CSMD1: variants seen among roughly 807,000 people sequenced by gnomAD.
CSMD1 encodes the protein CUB and sushi domain-containing protein 1.
A neutral mutation model predicts 417.5 loss-of-function variants in CSMD1; 213 were observed. The observed-to-expected ratio is 0.51, with a 90% confidence interval of 0.46 to 0.57. The LOEUF is 0.57. Ranked by LOEUF, CSMD1 falls within the 20% of genes least tolerant of loss-of-function variation. CSMD1 has a pLI of 0.00. For missense variants in CSMD1, 6,923 were observed against 4,529.7 expected, an observed-to-expected ratio of 1.53 and a Z score of -15.17; for synonymous variants, 2,862 against 1,736.8, an observed-to-expected ratio of 1.65 and a Z score of -16.11.
chr8:4,653,738 AT>A (rs1249437018), intron 1 of CSMD1, among the ~76,000 whole-genome samples: 1 of 152,152 alleles, frequency 6.6e-6, no homozygotes, highest in Non-Finnish European at 1.5e-5. Flanking sequence ...GGAAAATTGT[AT>A]TCAAACACAT....
At chr8:4,593,968 G>C (rs573526480) in intron 2 of CSMD1, among the ~76,000 whole-genome samples, 14 of 152,010 alleles carry the variant, frequency 9.2e-5, no homozygotes, top group Non-Finnish European at 1.8e-4. Flanking sequence ...TCCAAACCCT[G>C]CCTGTGGAGG....
intron 23 of CSMD1, among the ~76,000 whole-genome samples, chr8:3,311,630 G>C (rs1176545497): frequency 6.6e-6 from 1 of 152,216 alleles, no homozygotes; most frequent in African/African-American, 2.4e-5. Flanking sequence ...ATGAAAAACA[G>C]ATGGTTGCAT....
intron 5 of CSMD1, among the ~76,000 whole-genome samples, chr8:3,954,756 C>T (rs181086205): frequency 1.8e-3 from 280 of 151,856 alleles, no homozygotes; most frequent in Non-Finnish European, 2.6e-3. Context: ...CCCCTCAGAA[C>T]TGAGCATGCG....
chr8:3,872,616 T>G (rs548290695), intron 5 of CSMD1, among the ~76,000 whole-genome samples: 1 of 152,292 alleles, frequency 6.6e-6, no homozygotes, highest in Non-Finnish European at 1.5e-5. Context: ...TCATGTCAGT[T>G]TCCACAATCC....
At chr8:4,901,306 G>A (rs1313866773) in intron 1 of CSMD1, among the ~76,000 whole-genome samples, 3 of 152,110 alleles carry the variant, frequency 2.0e-5, no homozygotes, top group South Asian at 2.1e-4. Flanking sequence ...TTTTTATTCC[G>A]CTTGTGTCAT....
chr8:3,809,003 G>C (rs561497643), intron 5 of CSMD1, among the ~76,000 whole-genome samples: 1 of 152,156 alleles, frequency 6.6e-6, no homozygotes. Context: ...AACATGACAT[G>C]GATGATTCAA....
intron 2 of CSMD1, among the ~76,000 whole-genome samples, chr8:4,550,530 C>T (rs766613688): frequency 6.6e-5 from 10 of 152,078 alleles, no homozygotes; most frequent in Non-Finnish European, 1.0e-4. Flanking sequence ...ACCAAAAACT[C>T]CTATTTTTGC....
At chr8:3,144,338 T>G (rs1818699880) in intron 40 of CSMD1, among the ~76,000 whole-genome samples, 1 of 152,006 alleles carries the variant, frequency 6.6e-6, no homozygotes. Context: ...CCACTCTTCT[T>G]GGAGAAAATC....
intron 10 of CSMD1, among the ~76,000 whole-genome samples, chr8:3,564,893 C>T (rs951210542): frequency 6.6e-6 from 1 of 151,748 alleles, no homozygotes; most frequent in Non-Finnish European, 1.5e-5. Flanking sequence ...AATGAAATAG[C>T]TGGCACACAG....
At chr8:3,403,942 G>T (rs1161532) in intron 15 of CSMD1, among the ~76,000 whole-genome samples, 125,715 of 152,130 alleles carry the variant, frequency 0.83, 52,275 homozygotes, top group South Asian at 0.87. Flanking sequence ...CTATTAAGAG[G>T]GTTTTGTTGC....
intron 1 of CSMD1, among the ~76,000 whole-genome samples, chr8:4,975,615 A>G (rs1356021025): frequency 2.6e-5 from 4 of 152,196 alleles, no homozygotes; most frequent in Non-Finnish European, 4.4e-5. Flanking sequence ...GGCTCCAGGT[A>G]CAAGTATTGC....
chr8:4,125,798 T>C (rs556300813), intron 3 of CSMD1, among the ~76,000 whole-genome samples: 6 of 152,174 alleles, frequency 3.9e-5, no homozygotes, highest in African/African-American at 1.4e-4. Context: ...AATTGATCAA[T>C]TGATAACAGC....
At chr8:3,684,173 T>C (rs1235740543) in intron 7 of CSMD1, among the ~76,000 whole-genome samples, 2 of 135,526 alleles carry the variant, frequency 1.5e-5, no homozygotes, top group Non-Finnish European at 3.1e-5. Context: ...AATATATATT[T>C]ACATGTTACA....
At chr8:4,019,578 G>C (rs148206881) in intron 4 of CSMD1, among the ~76,000 whole-genome samples, 19 of 152,138 alleles carry the variant, frequency 1.2e-4, no homozygotes, top group African/African-American at 3.4e-4. Flanking sequence ...GTGTTTTACG[G>C]TCTGCTCTTG....
At chr8:3,653,791 G>A (rs566662472) in intron 7 of CSMD1, among the ~76,000 whole-genome samples, 12 of 152,238 alleles carry the variant, frequency 7.9e-5, no homozygotes, top group East Asian at 1.9e-4. Context: ...TCCCTAACTC[G>A]TGACACAAGT....
At chr8:3,459,494 C>T (rs1324317147) in intron 12 of CSMD1, among the ~76,000 whole-genome samples, 1 of 152,168 alleles carries the variant, frequency 6.6e-6, no homozygotes, top group African/African-American at 2.4e-5. Flanking sequence ...GATCTCCACG[C>T]ATGCGGCAGT....
intron 1 of CSMD1, among the ~76,000 whole-genome samples, chr8:4,888,428 C>A (rs1292404017): frequency 1.3e-5 from 2 of 151,732 alleles, no homozygotes; most frequent in Non-Finnish European, 2.9e-5. Flanking sequence ...AACTGTCACA[C>A]AACATATGAT....
At chr8:3,709,527 T>A (rs1230333728) in intron 6 of CSMD1, among the ~76,000 whole-genome samples, 1 of 151,882 alleles carries the variant, frequency 6.6e-6, no homozygotes, top group African/African-American at 2.4e-5. Flanking sequence ...GATATTAACA[T>A]TTGAATCAGC....
chr8:4,835,286 G>A (rs1037568785), intron 1 of CSMD1, among the ~76,000 whole-genome samples: 2 of 152,056 alleles, frequency 1.3e-5, no homozygotes, highest in Non-Finnish European at 2.9e-5. Flanking sequence ...TACAAACATC[G>A]TCGGAGATTA....
Sources: allele counts gnomAD v4.1 joint callset (sites outside exome capture counted in the v4.1 genomes callset), GRCh38; gene constraint gnomAD v4.1.1; transcripts MANE v1.5; gene names NCBI Gene and HGNC (gene_info 2026-07-23, HGNC 2026-07-21).